DMPK: variants seen among roughly 807,000 people sequenced by gnomAD.
DMPK encodes the protein DM1 protein kinase.
In DMPK, 32 loss-of-function variants were observed where a neutral mutation model predicts 70.3. The ratio of observed to expected loss-of-function variants is 0.46; its 90% CI spans 0.34 to 0.61. The LOEUF is 0.61. DMPK is among the 20% of genes least tolerant of loss of function. The pLI is 0.01. For missense variants in DMPK, 899 were observed against 886.0 expected, an observed-to-expected ratio of 1.01 and a Z score of -0.19; for synonymous variants, 469 against 390.9, an observed-to-expected ratio of 1.20 and a Z score of -2.36.
intron 13 of DMPK, 121 bp downstream of exon 13, chr19:45,771,229 G>A: frequency 3.7e-6 from 5 of 1,365,358 alleles, no homozygotes; most frequent in East Asian, 2.3e-5. Flanking sequence ...AAGGGCTTCT[G>A]CCCTCTAAAG....
intron 14 of DMPK, 92 bp from the exon 15 acceptor site, chr19:45,770,732 C>T (rs1050849454): frequency 3.3e-5 from 46 of 1,393,462 alleles, no homozygotes; most frequent in Non-Finnish European, 3.8e-5. Flanking sequence ...GGCCCGCACT[C>T]TTCCCTGCGC....
intron 4 of DMPK, 38 bp downstream of exon 4, chr19:45,779,226 C>T: frequency 6.3e-7 from 1 of 1,598,868 alleles, no homozygotes; most frequent in South Asian, 1.1e-5. Context: ...AGCACGGGCT[C>T]TTGTCCCTCT....
Position 45,777,786 on chromosome 19 carries a change from A to T in DMPK, c.763T>A (p.Tyr255Asn). The T allele has an allele frequency of 6.2e-7, 1 of 1,612,936 alleles. No individual in the cohort carries two copies. Among genetic ancestry groups the T allele is most frequent in the Non-Finnish European group, 8.5e-7 (1 of 1,180,014 alleles). ...AVGGGPGTGS[Y>N]GPECDWWALG... ...GCCCACCAGTCACACTCGGGCCCGT[A>T]GCTGCCTGTCCCAGGCCCACCGCCC... Residue 255 changes from tyrosine to asparagine, a missense_variant, in exon 7 of 15, where the codon TAC becomes AAC. Tyr to Asn is a moderately radical substitution (Grantham distance 143). Around this residue, in one of 3 missense-constraint regions of DMPK, gnomAD observed 195 missense variants for 259.7 expected, o/e 0.75. Coordinates refer to ENST00000291270, the MANE Select transcript of DMPK (RefSeq NM_004409.5). The surrounding 1 kb of genome is among the most constrained non-coding windows in gnomAD (Gnocchi z 6.7).
At position 45,770,204 on chromosome 19, in the gene DMPK, CCAGCAGCAGCAGCAGCAGCAGCAG is replaced by C; in HGVS notation, c.*260_*283del. On this transcript the variant is annotated 3_prime_UTR_variant, in exon 15 of 15. Coordinates refer to ENST00000291270, the MANE Select transcript of DMPK (RefSeq NM_004409.5). ...AAGAAAGAAATGGTCTGTGATCCCC[CCAGCAGCAGCAGCAGCAGCAGCAG>C]CAGCAGCAGCAGCAGCAGCAGCAGC... The C allele has an allele frequency of 0.13, 89,976 of 704,366 alleles. 7,687 individuals carry two copies. Among genetic ancestry groups the C allele is most frequent in the East Asian group, 0.23 (8,031 of 34,722 alleles). The allele number at this position is 704,366 out of a possible 1,614,324, so 43.6% of individuals were successfully genotyped here.
rs1970177246 is a variant in DMPK, at chr19:45,782,387, CGGGGGCT to C, written c.-42_-36del. 6.6e-7 allele frequency: 1 copy of C among 1,511,482 alleles called. No homozygotes were observed. The highest frequency in any genetic ancestry group is 8.9e-7 in the Non-Finnish European group (1 of 1,129,262). The allele number at this position is 1,511,482 out of a possible 1,614,324, so 93.6% of individuals were successfully genotyped here. On this transcript the variant is annotated 5_prime_UTR_variant, in exon 1 of 15. Transcript: ENST00000291270. ...GCAGCACCATGGCCCCTCCCCGGGC[CGGGGGCT>C]CGGGGTCCTCCTGTCACAGGGCCTG... is the stretch of plus-strand genomic sequence containing the variant.
intron 14 of DMPK, 70 bp from the exon 15 acceptor site, chr19:45,770,710 C>A: frequency 6.7e-7 from 1 of 1,496,644 alleles, no homozygotes; most frequent in Non-Finnish European, 9.0e-7. Context: ...GCCCCGCCTA[C>A]GCCCATAGGT....
rs1259652861 is a variant in DMPK at position 45,770,388 on chromosome 19, G to A, written c.*100C>T. On this transcript the variant is annotated 3_prime_UTR_variant, in exon 15 of 15. Transcript: ENST00000291270. ...GGAGCTGGGCGGAGACCCACGCTCG[G>A]AGCGGTTGTGAACTGGCAGGCGGTG... 2.8e-6 allele frequency: 4 copies of A among 1,424,720 alleles called. No homozygotes were observed. The South Asian group carries it at 3.7e-5, about 13-fold the overall frequency. The allele number at this position is 1,424,720 out of a possible 1,614,324, so 88.3% of individuals were successfully genotyped here.
At chr19:45,770,906 G>A in intron 14 of DMPK, 65 bp downstream of exon 14, 3 of 1,224,668 alleles carry the variant, frequency 2.4e-6, no homozygotes, top group Middle Eastern at 2.8e-4. Context: ...CAGCTAAGCG[G>A]GTGGCAAGGG....
rs1969217330 is a variant in DMPK, at chr19:45,769,846, C to CCTA, written c.*641_*642insTAG. 1 of 248,698 alleles carries CCTA rather than the reference C, an allele frequency of 4.0e-6. No individual in the cohort carries two copies. Among genetic ancestry groups the CCTA allele is most frequent in the African/African-American group, 2.3e-5 (1 of 42,732 alleles). The allele number at this position is 248,698 out of a possible 1,614,324, so 15.4% of individuals were successfully genotyped here. A position where few individuals can be genotyped will look rare whatever the true frequency, so the allele number is the denominator to read the frequency against. ...AACGTGGATTGGGGTTGTTGGGGGT[C>CCTA]CTGTAGCCTGTCAGCGAGTCGGAGG... On this transcript the variant is annotated 3_prime_UTR_variant, in exon 15 of 15. Transcript: ENST00000291270.
chr19:45,780,089 G>A (rs770405145), intron 1 of DMPK: 41 of 1,494,908 alleles, frequency 2.7e-5, no homozygotes, highest in Middle Eastern at 1.7e-4. Flanking sequence ...AGCCCTTTGC[G>A]GGACAGGGCA....
At chr19:45,781,571 G>A (rs1970120614) in intron 1 of DMPK, among the ~76,000 whole-genome samples, 1 of 152,178 alleles carries the variant, frequency 6.6e-6, no homozygotes, top group Non-Finnish European at 1.5e-5. Flanking sequence ...AAAAGAAGGA[G>A]ACACACCCAG....
In DMPK at chr19:45,772,730, T is replaced by A. The variant is rs1309281523; in HGVS notation, c.1255A>T (p.Thr419Ser). Reference sequence around the variant, plus strand: ...TGCTCGGCCTCCAGTTCCATGGGTGTGGGGCCTGGGACCTCACTGTCCCTG... The same window carrying A: ...TGCTCGGCCTCCAGTTCCATGGGTGAGGGGCCTGGGACCTCACTGTCCCTG... The part of the protein sequence containing the change: ...ALRDSEVPGP[T>S]PMELEAEQLL... Residue 419 changes from threonine (T) to serine (S), a missense_variant, in exon 10 of 15, where the codon ACA becomes TCA. Coordinates refer to ENST00000291270, the MANE Select transcript of DMPK (RefSeq NM_004409.5). 2.7e-6 allele frequency: 4 copies of A among 1,508,330 alleles called. No individual in the cohort carries two copies. In the South Asian group the frequency reaches 5.5e-5, roughly 21 times the overall value. 93.4% of individuals were successfully genotyped at this position (1,508,330 alleles called of 1,614,324 possible).
chr19:45,774,887 G>A, intron 9 of DMPK, 62 bp downstream of exon 9: 2 of 1,314,178 alleles, frequency 1.5e-6, no homozygotes, highest in Admixed American at 1.7e-5. Flanking sequence ...CTGCCAAGGA[G>A]CAGGACCCAG....
intron 4 of DMPK, 53 bp downstream of exon 4, chr19:45,779,211 G>T: frequency 6.4e-7 from 1 of 1,571,034 alleles, no homozygotes; most frequent in Non-Finnish European, 8.8e-7. Context: ...TCCTCGTCCA[G>T]TGACAGCACG....
Position 45,770,557 on chromosome 19 carries a change from A to C in DMPK, c.1821T>G (p.Ile607Met). Residue 607 changes from isoleucine (I) to methionine (M), a missense_variant, in exon 15 of 15, where the codon ATT (isoleucine) becomes ATG (methionine). Physicochemically the swap from Ile to Met is conservative, Grantham distance 10. Coordinates refer to ENST00000291270, the MANE Select transcript of DMPK (RefSeq NM_004409.5). ...GTTGGCCGGCGTGGGCCACCAACCC[A>C]ATGCAGCCCAGGGCGGCGGCACGAG... ...VLSRAAALGC[I>M]GLVAHAGQLT... 1 of 1,551,124 alleles carries C rather than the reference A, an allele frequency of 6.4e-7. No homozygotes were observed. The highest frequency in any genetic ancestry group is 8.7e-7 in the Non-Finnish European group (1 of 1,147,088).
rs1970167785 is a variant in DMPK at position 45,782,282 on chromosome 19, G to C, written c.71C>G (p.Pro24Arg). 1 of 1,602,994 alleles carries C rather than the reference G, an allele frequency of 6.2e-7. No individual in the cohort carries two copies. The highest frequency in any genetic ancestry group is 1.3e-5 in the African/African-American group (1 of 74,656). Reference sequence around the variant, plus strand: ...GACGCCCAGGAGAAGGTCGAGCAGGGGCTCCAGCCCCAGGAAGCCCGGGTC... The same window carrying C: ...GACGCCCAGGAGAAGGTCGAGCAGGCGCTCCAGCCCCAGGAAGCCCGGGTC... ...VLDPGFLGLEPLLDLLLGVHQ... is the reference protein window; with the variant it reads ...VLDPGFLGLERLLDLLLGVHQ... The change falls in exon 1 of 15, where the codon CCC (proline) becomes CGC (arginine). Residue 24 changes from proline (P) to arginine (R), a missense_variant. Coordinates refer to ENST00000291270, the MANE Select transcript of DMPK (RefSeq NM_004409.5).
intron 5 of DMPK, 107 bp downstream of exon 5, chr19:45,778,386 C>A: frequency 6.8e-7 from 1 of 1,468,176 alleles, no homozygotes; most frequent in Non-Finnish European, 9.3e-7. Context: ...CCCGGTGGGC[C>A]CCAACCAAGA....
chr19:45,779,531 G>C lies in DMPK; in HGVS notation c.253-9C>G, dbSNP rs1230360390. 3.7e-6 allele frequency: 6 copies of C among 1,613,710 alleles called. No homozygotes were observed. The highest frequency in any genetic ancestry group is 4.5e-5 in the East Asian group (2 of 44,882). On this transcript the variant is annotated splice_polypyrimidine_tract_variant and intron_variant, in intron 2 of 14. Transcript: ENST00000291270. ...ATCTTCACTACCGCTACCTGAGGTC[G>C]AGATAGTGAGACAGAGTGGAGACGG...
Position 45,779,407 on chromosome 19 carries a change from T to C in DMPK, c.336+32A>G, listed in dbSNP as rs766138774. 6 of 1,613,708 alleles carry C rather than the reference T, an allele frequency of 3.7e-6. No individual in the cohort carries two copies. The Admixed American group carries it at 1.0e-4, about 27-fold the overall frequency. ...GCAGCCGGAGACGGGGCGCGGATCC[T>C]CAAAGCCCCCCACGTCCGCCCAGCC... On this transcript the variant is annotated intron_variant, in intron 3 of 14. Transcript: ENST00000291270.
Sources: gnomAD v4.1 joint callset for allele counts (sites outside exome capture counted in the v4.1 genomes callset) on GRCh38, gnomAD v4.1.1 for gene constraint, gnomAD v4.1.1 regional missense constraint, Gnocchi (gnomAD v3.1) non-coding constraint, MANE v1.5 for transcripts, NCBI Gene and HGNC (gene_info 2026-07-23, HGNC 2026-07-21) for gene names.